Variants in USP39 observed in about 807,000 individuals in gnomAD.
The protein encoded by USP39 is ubiquitin carboxyl-terminal hydrolase 39.
In USP39, 38 loss-of-function variants were observed where a neutral mutation model predicts 66.4. The ratio of observed to expected loss-of-function variants is 0.57; its 90% CI spans 0.44 to 0.75. The LOEUF (loss-of-function observed/expected upper bound fraction) is 0.75. Ranked by LOEUF, USP39 falls within the 30% of genes least tolerant of loss-of-function variation. The pLI, the probability that USP39 is intolerant of heterozygous loss-of-function variation, is 0.00. For missense variants in USP39, 608 were observed against 714.4 expected (o/e 0.85, Z 1.70); for synonymous variants, 303 against 274.6 (o/e 1.10, Z -1.02).
intron 10 of USP39, among the ~76,000 whole-genome samples, chr2:85,641,478 C>T (rs1676226961): frequency 6.6e-6 from 1 of 152,174 alleles, no homozygotes; most frequent in African/African-American, 2.4e-5. Flanking sequence ...GCCATCACAC[C>T]TTTTTGCACA....
At chr2:85,611,801 G>A (rs1223483511), upstream of USP39, 2 of 1,610,274 alleles carry the variant, frequency 1.2e-6, no homozygotes, top group Non-Finnish European at 1.7e-6. Context: ...GGGGAGCCGA[G>A]CGGGAGTCAG....
chr2:85,634,059 G>C (rs565637092), intron 6 of USP39, among the ~76,000 whole-genome samples: 3 of 150,182 alleles, frequency 2.0e-5, no homozygotes, highest in African/African-American at 7.3e-5. Flanking sequence ...GGATGGTCTC[G>C]ATCTCCTGAC....
intron 1 of USP39, among the ~76,000 whole-genome samples, chr2:85,604,883 A>G (rs1673162638): frequency 6.6e-6 from 1 of 152,244 alleles, no homozygotes; most frequent in South Asian, 2.1e-4. Context: ...ATGTGGGGGC[A>G]AGGCATAGTA....
upstream of USP39, chr2:85,609,370 G>C: frequency 6.3e-7 from 1 of 1,576,444 alleles, no homozygotes; most frequent in Non-Finnish European, 8.6e-7. Flanking sequence ...CAGGGCTCAG[G>C]GTCTGACAAT....
chr2:85,609,930 C>G (rs1245180808), upstream of USP39, among the ~76,000 whole-genome samples: 1 of 152,022 alleles, frequency 6.6e-6, no homozygotes, highest in Admixed American at 6.5e-5. Context: ...ATCCACCCAC[C>G]TTGGCCTCCC....
chr2:85,644,684 A>C (rs900334230), intron 10 of USP39, among the ~76,000 whole-genome samples: 2 of 151,666 alleles, frequency 1.3e-5, no homozygotes, highest in African/African-American at 2.4e-5. Flanking sequence ...TGACCTCTCA[A>C]AGTGTTGGGA....
rs1676860166 is a variant in USP39 at position 85,649,018 on chromosome 2, T to C, written c.*210T>C. On this transcript the variant is annotated 3_prime_UTR_variant, in exon 13 of 13. Transcript: ENST00000323701. Reference sequence around the variant, plus strand: ...TGTTCTTTGATCATTTTTTTCTAGATTGATGCTCCTTTCTCCCATGCATTG... The same window carrying C: ...TGTTCTTTGATCATTTTTTTCTAGACTGATGCTCCTTTCTCCCATGCATTG... The C allele has an allele frequency of 2.8e-5, 17 of 613,930 alleles. No individual in the cohort carries two copies. In the South Asian group the frequency reaches 2.8e-4, roughly 10 times the overall value. The allele number at this position is 613,930 out of a possible 1,614,324, so 38.0% of individuals were successfully genotyped here.
chr2:85,612,058 C>T, upstream of USP39: 2 of 1,176,496 alleles, frequency 1.7e-6, no homozygotes, highest in East Asian at 2.7e-5. Context: ...GAGCTCCGCG[C>T]CGCCCCTTGC....
At position 85,645,104 on chromosome 2, in the gene USP39, T is replaced by C. The variant is rs375234302; in HGVS notation, c.1563+21T>C. 97 of 1,613,898 alleles carry C rather than the reference T, an allele frequency of 6.0e-5. No homozygotes were observed. The African/African-American group carries it at 9.2e-4, about 15-fold the overall frequency. The stretch of plus-strand genomic sequence containing the variant: ...ATCATGTGAGTGGCTGCTGACCGTC[T>C]CATGGCACAGAGTGGCAAAAACAGG... On this transcript the variant is annotated intron_variant, in intron 11 of 12. Coordinates refer to ENST00000323701, the MANE Select transcript of USP39 (RefSeq NM_006590.4).
chr2:85,631,839 C>G (rs1675366999), intron 6 of USP39, among the ~76,000 whole-genome samples: 1 of 152,002 alleles, frequency 6.6e-6, no homozygotes, highest in Admixed American at 6.6e-5. Flanking sequence ...ACCTCTGCCT[C>G]CTGGGTTCAA....
intron 2 of USP39, among the ~76,000 whole-genome samples, chr2:85,621,013 T>C (rs1175780322): frequency 1.3e-5 from 2 of 152,184 alleles, no homozygotes; most frequent in Non-Finnish European, 2.9e-5. Context: ...TATTTGTTTT[T>C]AAGAGAGGAT....
At chr2:85,612,253 G>A, upstream of USP39, 2 of 1,414,546 alleles carry the variant, frequency 1.4e-6, no homozygotes, top group Non-Finnish European at 1.9e-6. Flanking sequence ...CATATCAATA[G>A]GAAACAAGGA....
At chr2:85,645,648 GGC>G (rs1312665385) in intron 11 of USP39, among the ~76,000 whole-genome samples, 1 of 152,154 alleles carries the variant, frequency 6.6e-6, no homozygotes, top group African/African-American at 2.4e-5. Context: ...TTTCAGCTGG[GGC>G]AGAGGCCAGG....
chr2:85,634,028 G>A (rs1034219145), intron 6 of USP39, among the ~76,000 whole-genome samples: 8 of 150,052 alleles, frequency 5.3e-5, no homozygotes, highest in African/African-American at 1.5e-4. Flanking sequence ...TAGTAGAGAC[G>A]GGGTTTCACC....
At chr2:85,608,877 C>T, upstream of USP39, 2 of 1,590,704 alleles carry the variant, frequency 1.3e-6, no homozygotes, top group Non-Finnish European at 8.6e-7. Flanking sequence ...TACCCCCACA[C>T]TAAATTCCCT....
rs76008367 is a variant in USP39 at position 85,617,037 on chromosome 2, C to T, written c.268+574C>T. On this transcript the variant is annotated intron_variant, in intron 1 of 12. Transcript: ENST00000323701. Reference sequence around the variant, plus strand: ...CAAAAATCGTAACAACAGCAGCTTCCCTTTATCGAATGCCCGATGTGGGGG... The same window carrying T: ...CAAAAATCGTAACAACAGCAGCTTCTCTTTATCGAATGCCCGATGTGGGGG... Among the ~76,000 whole-genome samples, 369 of 149,956 alleles carry T rather than the reference C, an allele frequency of 2.5e-3. 2 individuals are homozygous for T. The highest frequency in any genetic ancestry group is 8.5e-3 in the Admixed American group (127 of 14,854).
upstream of USP39, chr2:85,611,119 G>T: frequency 5.8e-6 from 2 of 346,596 alleles, no homozygotes; most frequent in South Asian, 5.9e-5. Flanking sequence ...ACACGCCTGT[G>T]GTCCCAGGTA....
chr2:85,641,188 G>A (rs1676209739), intron 10 of USP39, 70 bp downstream of exon 10: 1 of 1,589,670 alleles, frequency 6.3e-7, no homozygotes, highest in Admixed American at 1.8e-5. Context: ...ATTTTTACCA[G>A]TATTAATTTT....
At chr2:85,636,160 T>C (rs751250258) in intron 7 of USP39, 30 bp downstream of exon 7, 1 of 1,604,292 alleles carries the variant, frequency 6.2e-7, no homozygotes, top group Non-Finnish European at 8.5e-7. Flanking sequence ...AAAGGAGTTA[T>C]TTTGTTCCCT....
Sources: gnomAD v4.1 joint callset for allele counts (sites outside exome capture counted in the v4.1 genomes callset) on GRCh38, gnomAD v4.1.1 for gene constraint, MANE v1.5 for transcripts, NCBI Gene and HGNC (gene_info 2026-07-23, HGNC 2026-07-21) for gene names.